C13orf42: variants seen among roughly 807,000 people sequenced by gnomAD.
C13orf42 encodes chromosome 13 open reading frame 42, also known as uncharacterized protein C13orf42.
At chr13:51,087,450 A>ATT (rs141818097) in intron 2 of C13orf42, among the ~76,000 whole-genome samples, 1,732 of 152,220 alleles carry the variant, frequency 0.011, 15 homozygotes, top group Non-Finnish European at 0.017. Flanking sequence ...CATCATCACC[A>ATT]TTTTTTAAGT....
intron 1 of C13orf42, among the ~76,000 whole-genome samples, chr13:51,166,508 G>T (rs1953902976): frequency 1.4e-5 from 2 of 147,990 alleles, no homozygotes; most frequent in African/African-American, 5.0e-5. Flanking sequence ...ACGAGTTAGT[G>T]GGTGCAGCAC....
At chr13:51,107,539 G>A (rs1953372056) in intron 1 of C13orf42, among the ~76,000 whole-genome samples, 1 of 152,190 alleles carries the variant, frequency 6.6e-6, no homozygotes, top group East Asian at 1.9e-4. Context: ...AGGTCCTGTG[G>A]CCAGGCCAGG....
intron 1 of C13orf42, among the ~76,000 whole-genome samples, chr13:51,156,200 G>A (rs554473956): frequency 2.3e-4 from 35 of 152,138 alleles, no homozygotes; most frequent in Non-Finnish European, 4.7e-4. Context: ...CCCATAGGAG[G>A]GAGGTAGGGA....
intron 1 of C13orf42, among the ~76,000 whole-genome samples, chr13:51,171,282 C>T (rs1256042886): frequency 6.6e-6 from 1 of 152,044 alleles, no homozygotes; most frequent in East Asian, 1.9e-4. Flanking sequence ...TTCCAAATAG[C>T]CAGAAAATGG....
intron 1 of C13orf42, among the ~76,000 whole-genome samples, chr13:51,108,183 T>G (rs1566127911): frequency 6.6e-6 from 1 of 152,236 alleles, no homozygotes; most frequent in Non-Finnish European, 1.5e-5. Context: ...GGGCCCACCC[T>G]ACTCCAGCAT....
chr13:51,122,539 A>G (rs1170285571), intron 1 of C13orf42, among the ~76,000 whole-genome samples: 5 of 113,808 alleles, frequency 4.4e-5, no homozygotes, highest in African/African-American at 1.2e-4. Context: ...TTCCAAAAAG[A>G]AAAAAAAAAA....
chr13:51,112,136 C>T (rs1953442012), upstream of C13orf42, among the ~76,000 whole-genome samples: 2 of 152,170 alleles, frequency 1.3e-5, no homozygotes, highest in African/African-American at 4.8e-5. Flanking sequence ...TAGCATTTTT[C>T]TCAGGCAGAT....
intron 1 of C13orf42, among the ~76,000 whole-genome samples, chr13:51,133,246 C>A (rs563341077): frequency 6.6e-6 from 1 of 152,252 alleles, no homozygotes; most frequent in Non-Finnish European, 1.5e-5. Flanking sequence ...ATTGGTACCC[C>A]TTTCCAGTAA....
chr13:51,092,177 G>A (rs555903929), intron 1 of C13orf42, among the ~76,000 whole-genome samples: 32 of 152,136 alleles, frequency 2.1e-4, no homozygotes, highest in Non-Finnish European at 4.0e-4. Context: ...TCTCCAACGT[G>A]TCCCTAGTTG....
intron 1 of C13orf42, among the ~76,000 whole-genome samples, chr13:51,125,351 T>A (rs1323716845): frequency 6.6e-6 from 1 of 152,212 alleles, no homozygotes; most frequent in East Asian, 1.9e-4. Context: ...GGAAGGAACT[T>A]GAGTGAAACT....
intron 1 of C13orf42, among the ~76,000 whole-genome samples, chr13:51,165,852 A>C (rs1024838960): frequency 6.6e-6 from 1 of 152,230 alleles, no homozygotes. Context: ...ATGAGATATA[A>C]AACTATATTT....
chr13:51,111,505 T>C (rs968801488), upstream of C13orf42, among the ~76,000 whole-genome samples: 4 of 152,174 alleles, frequency 2.6e-5, no homozygotes, highest in Admixed American at 6.5e-5. Context: ...TGAGTGCAAA[T>C]ACCTTCAGTG....
At chr13:51,114,758 G>A (rs1439161603), upstream of C13orf42, among the ~76,000 whole-genome samples, 2 of 152,142 alleles carry the variant, frequency 1.3e-5, no homozygotes, top group Admixed American at 1.3e-4. Context: ...TGGCTATTGT[G>A]AGTAATGCTG....
chr13:51,100,030 G>A (rs1953271157), intron 1 of C13orf42, among the ~76,000 whole-genome samples: 1 of 152,104 alleles, frequency 6.6e-6, no homozygotes. Flanking sequence ...ACTAAGAGAA[G>A]GAATGTACAC....
chr13:51,144,042 T>C (rs918689354), intron 1 of C13orf42, among the ~76,000 whole-genome samples: 1 of 152,208 alleles, frequency 6.6e-6, no homozygotes, highest in African/African-American at 2.4e-5. Context: ...GTCTTTTAAC[T>C]ATGGCTCCCT....
chr13:51,143,022 G>A (rs1953707442), intron 1 of C13orf42, among the ~76,000 whole-genome samples: 1 of 152,100 alleles, frequency 6.6e-6, no homozygotes. Context: ...AAAAAGAATT[G>A]AGATTAAAAA....
intron 1 of C13orf42, among the ~76,000 whole-genome samples, chr13:51,167,344 T>C (rs1265851162): frequency 6.6e-6 from 1 of 152,152 alleles, no homozygotes; most frequent in Non-Finnish European, 1.5e-5. Context: ...TGGCATTGTA[T>C]GTCTTGGACA....
intron 1 of C13orf42, among the ~76,000 whole-genome samples, chr13:51,170,267 T>G (rs1404816599): frequency 1.3e-5 from 2 of 152,190 alleles, no homozygotes; most frequent in Admixed American, 1.3e-4. Context: ...ACAGCCATGT[T>G]GCTCACACAA....
intron 1 of C13orf42, chr13:51,161,947 G>A (rs7318961): frequency 0.16 from 78,517 of 482,548 alleles, 7,264 homozygotes; most frequent in East Asian, 0.25. Flanking sequence ...TGCTTCCCAC[G>A]TTGTATTCAT....
Sources: allele counts gnomAD v4.1 joint callset (sites outside exome capture counted in the v4.1 genomes callset), GRCh38; gene constraint gnomAD v4.1.1; transcripts MANE v1.5; gene names NCBI Gene and HGNC (gene_info 2026-07-23, HGNC 2026-07-21).